Variants in ARHGAP6 observed in about 807,000 individuals in gnomAD.
ARHGAP6 encodes the protein rho GTPase-activating protein 6.
In ARHGAP6, 16 loss-of-function variants were observed where a neutral mutation model predicts 55.7. The observed-to-expected ratio is 0.29, with a 90% confidence interval of 0.19 to 0.44. The LOEUF (loss-of-function observed/expected upper bound fraction) is 0.44. ARHGAP6 is among the 20% of genes least tolerant of loss of function. The pLI, the probability that ARHGAP6 is intolerant of heterozygous loss-of-function variation, is 1.00. For missense variants in ARHGAP6, 698 were observed against 808.9 expected (o/e 0.86, Z 1.66); for synonymous variants, 382 against 360.9 (o/e 1.06, Z -0.66).
In ARHGAP6 at chrX:11,538,048, T is replaced by C. The variant is rs189037057; in HGVS notation, c.588+126193A>G. Among the ~76,000 whole-genome samples, 60 of 111,880 alleles carry C rather than the reference T, an allele frequency of 5.4e-4. No homozygotes were observed. The East Asian group carries it at 0.016, about 30-fold the overall frequency. ...CTAGAAATTGATAAATATACTAGTA[T>C]CCTTTGTGACATAAAAAGGCTTTTC... On this transcript the variant is annotated intron_variant, in intron 1 of 12. Coordinates refer to ENST00000337414, the MANE Select transcript of ARHGAP6 (RefSeq NM_013427.3).
intron 1 of ARHGAP6, among the ~76,000 whole-genome samples, chrX:11,285,343 C>T (rs1173930602): frequency 9.0e-6 from 1 of 111,083 alleles, no homozygotes; most frequent in Non-Finnish European, 1.9e-5. Context: ...ATCTTTGGAA[C>T]ATGTATTTTA....
intron 1 of ARHGAP6, among the ~76,000 whole-genome samples, chrX:11,359,503 T>A (rs1435157256): frequency 8.9e-6 from 1 of 112,261 alleles, no homozygotes; most frequent in Non-Finnish European, 1.9e-5. Flanking sequence ...ATTTAGCCTA[T>A]AATAAAAGGC....
At chrX:11,504,021 G>A (rs1398551690) in intron 1 of ARHGAP6, among the ~76,000 whole-genome samples, 1 of 110,761 alleles carries the variant, frequency 9.0e-6, no homozygotes, top group Non-Finnish European at 1.9e-5. Flanking sequence ...AAAAAAAAGT[G>A]GTCTTGGCTG....
chrX:11,590,955 TAA>T (rs778070256), intron 1 of ARHGAP6, among the ~76,000 whole-genome samples: 3 of 104,063 alleles, frequency 2.9e-5, no homozygotes, highest in African/African-American at 1.1e-4. Context: ...TCATTTGATT[TAA>T]AAGATTCAGG....
intron 3 of ARHGAP6, among the ~76,000 whole-genome samples, chrX:11,191,570 C>A (rs781045403): frequency 1.8e-5 from 2 of 111,827 alleles, no homozygotes; most frequent in Non-Finnish European, 3.8e-5. Flanking sequence ...CTTCGACCCA[C>A]TCTTTTCTTT....
chrX:11,234,482 C>G (rs906658186), intron 2 of ARHGAP6, among the ~76,000 whole-genome samples: 1 of 112,433 alleles, frequency 8.9e-6, no homozygotes, highest in Non-Finnish European at 1.9e-5. Flanking sequence ...TGACTGTGCT[C>G]AAATATCAAG....
chrX:11,344,270 A>G (rs1246545781), intron 1 of ARHGAP6, among the ~76,000 whole-genome samples: 2 of 111,665 alleles, frequency 1.8e-5, no homozygotes, highest in African/African-American at 6.5e-5. Context: ...GATAATAAAA[A>G]ATGTCCCATT....
chrX:11,497,633 G>A (rs2050637673), intron 1 of ARHGAP6, among the ~76,000 whole-genome samples: 1 of 98,846 alleles, frequency 1.0e-5, no homozygotes, highest in Admixed American at 1.3e-4. Flanking sequence ...TTGCAATCCA[G>A]GTAAAGAGGC....
At chrX:11,629,636 T>C (rs1266267677) in intron 1 of ARHGAP6, among the ~76,000 whole-genome samples, 2 of 110,552 alleles carry the variant, frequency 1.8e-5, no homozygotes, top group African/African-American at 6.6e-5. Context: ...AGCATTCCAT[T>C]ATTAAAGCAC....
intron 1 of ARHGAP6, among the ~76,000 whole-genome samples, chrX:11,380,980 C>T (rs113900123): frequency 1.4e-4 from 16 of 112,790 alleles, no homozygotes; most frequent in South Asian, 3.7e-4. Flanking sequence ...CATTTGACTA[C>T]GCATGTGGTT....
At chrX:11,186,989 A>T (rs986016083) in intron 4 of ARHGAP6, among the ~76,000 whole-genome samples, 2 of 111,049 alleles carry the variant, frequency 1.8e-5, no homozygotes, top group Non-Finnish European at 3.8e-5. Flanking sequence ...AGGGAGCATT[A>T]TCAAGCCTAT....
intron 1 of ARHGAP6, among the ~76,000 whole-genome samples, chrX:11,322,161 A>G (rs1254408959): frequency 9.0e-6 from 1 of 111,554 alleles, no homozygotes; most frequent in African/African-American, 3.3e-5. Flanking sequence ...GAGTTTCTCA[A>G]TCTTGGCATT....
At chrX:11,254,509 T>C (rs1569274281) in intron 2 of ARHGAP6, 39 bp downstream of exon 2, 1 of 1,192,808 alleles carries the variant, frequency 8.4e-7, no homozygotes, top group East Asian at 3.0e-5. Context: ...AATATTTGAC[T>C]TGCAGTGTTC....
In ARHGAP6 at chrX:11,555,397, T is replaced by C. The variant is rs189499167; in HGVS notation, c.588+108844A>G. ...ATGGGAGGGAGAGAGGGGTGCACAG[T>C]GGTCAGGGGAGGCCTCTCTGAGAAG... On this transcript the variant is annotated intron_variant, in intron 1 of 12. Coordinates refer to ENST00000337414, the MANE Select transcript of ARHGAP6 (RefSeq NM_013427.3). Among the ~76,000 whole-genome samples the C allele has an allele frequency of 1.1e-4, 12 of 109,976 alleles. No individual in the cohort carries two copies. In the East Asian group the frequency reaches 3.5e-3, roughly 32 times the overall value.
intron 2 of ARHGAP6, among the ~76,000 whole-genome samples, chrX:11,236,473 G>A (rs944645883): frequency 1.8e-5 from 2 of 111,447 alleles, no homozygotes; most frequent in Admixed American, 1.9e-4. Flanking sequence ...ACGCTGTAGT[G>A]GAGGAAATGT....
chrX:11,154,046 G>C (rs1169754110), intron 10 of ARHGAP6, among the ~76,000 whole-genome samples: 3 of 109,230 alleles, frequency 2.7e-5, no homozygotes, highest in African/African-American at 1.0e-4. Context: ...TCCCACCTAT[G>C]AGTGAGAACA....
At chrX:11,156,380 T>A in intron 10 of ARHGAP6, 149 bp downstream of exon 10, 1 of 400,104 alleles carries the variant, frequency 2.5e-6, no homozygotes, top group Non-Finnish European at 4.2e-6. Context: ...CATTTTCTGG[T>A]TAGATGGACT....
chrX:11,390,620 A>T (rs1198332876), intron 1 of ARHGAP6, among the ~76,000 whole-genome samples: 1 of 112,066 alleles, frequency 8.9e-6, no homozygotes, highest in Non-Finnish European at 1.9e-5. Flanking sequence ...TTTACAAGAA[A>T]AAAACAAACA....
chrX:11,269,118 T>C (rs2047664566), intron 1 of ARHGAP6, among the ~76,000 whole-genome samples: 1 of 111,555 alleles, frequency 9.0e-6, no homozygotes. Context: ...ACAAATAGAC[T>C]TATGTTGTGA....
Sources: allele counts gnomAD v4.1 joint callset (sites outside exome capture counted in the v4.1 genomes callset), GRCh38; gene constraint gnomAD v4.1.1; transcripts MANE v1.5; gene names NCBI Gene and HGNC (gene_info 2026-07-23, HGNC 2026-07-21).